Variants in LDLRAD4 observed in about 807,000 individuals in gnomAD.
LDLRAD4 encodes low density lipoprotein receptor class A domain containing 4.
A neutral mutation model predicts 17.0 loss-of-function variants in LDLRAD4; 5 were observed. The ratio of observed to expected loss-of-function variants is 0.29; its 90% CI spans 0.15 to 0.62. The LOEUF is 0.62. Among genes scored for constraint, LDLRAD4 ranks in the 20% least tolerant of loss-of-function variants. LDLRAD4 has a pLI of 0.84. For missense variants in LDLRAD4, 340 were observed against 424.7 expected (o/e 0.80, Z 1.75); for synonymous variants, 168 against 171.8 (o/e 0.98, Z 0.17).
At chr18:13,571,680 A>G (rs1232999983) in intron 3 of LDLRAD4, among the ~76,000 whole-genome samples, 4 of 152,230 alleles carry the variant, frequency 2.6e-5, no homozygotes, top group Non-Finnish European at 5.9e-5. Context: ...TCTGTTGCCC[A>G]GGCTGGAGTG....
intron 1 of LDLRAD4, among the ~76,000 whole-genome samples, chr18:13,327,876 G>A (rs762169686): frequency 6.6e-6 from 1 of 152,084 alleles, no homozygotes; most frequent in South Asian, 2.1e-4. Flanking sequence ...AATCTGTTTT[G>A]TGGTGTTCTC....
At chr18:13,552,801 T>G (rs1173136136) in intron 3 of LDLRAD4, among the ~76,000 whole-genome samples, 1 of 152,224 alleles carries the variant, frequency 6.6e-6, no homozygotes, top group Non-Finnish European at 1.5e-5. Flanking sequence ...TGTGCACGGT[T>G]CTTTACCGAG....
intron 3 of LDLRAD4, among the ~76,000 whole-genome samples, chr18:13,493,992 A>C (rs1364995135): frequency 6.6e-6 from 1 of 152,350 alleles, no homozygotes; most frequent in Middle Eastern, 3.4e-3. Context: ...GCGGTGCCGC[A>C]ATCCTGCCTT....
intron 1 of LDLRAD4, among the ~76,000 whole-genome samples, chr18:13,225,986 T>C (rs2041763131): frequency 6.6e-6 from 1 of 152,072 alleles, no homozygotes; most frequent in Non-Finnish European, 1.5e-5. Flanking sequence ...ATTGAACGTC[T>C]TTAAACTTTT....
chr18:13,257,333 A>G (rs2043560941), intron 1 of LDLRAD4, among the ~76,000 whole-genome samples: 1 of 152,130 alleles, frequency 6.6e-6, no homozygotes, highest in South Asian at 2.1e-4. Context: ...TGAGTGTGAG[A>G]TTTCGCCATT....
At chr18:13,571,789 A>G (rs1027850901) in intron 3 of LDLRAD4, among the ~76,000 whole-genome samples, 1 of 152,128 alleles carries the variant, frequency 6.6e-6, no homozygotes, top group Non-Finnish European at 1.5e-5. Flanking sequence ...GGCGCCCGCC[A>G]CTATGCCTGG....
intron 3 of LDLRAD4, among the ~76,000 whole-genome samples, chr18:13,547,928 T>G (rs574063890): frequency 1.3e-5 from 2 of 152,308 alleles, no homozygotes; most frequent in Non-Finnish European, 1.5e-5. Flanking sequence ...AGTCCCACCA[T>G]TCAGTAGGTC....
chr18:13,468,502 G>A (rs143603490), intron 3 of LDLRAD4, among the ~76,000 whole-genome samples: 25,853 of 152,080 alleles, frequency 0.17, 2,676 homozygotes, highest in East Asian at 0.37. Flanking sequence ...ATTACTGGGT[G>A]TATACCCAAA....
At chr18:13,627,240 G>A (rs1249533650) in intron 4 of LDLRAD4, among the ~76,000 whole-genome samples, 3 of 152,280 alleles carry the variant, frequency 2.0e-5, no homozygotes, top group South Asian at 2.1e-4. Flanking sequence ...CAGCCTGGCC[G>A]ACAGAGGGAG....
chr18:13,450,324 C>G (rs2091729083), intron 3 of LDLRAD4, among the ~76,000 whole-genome samples: 1 of 64,182 alleles, frequency 1.6e-5, no homozygotes, highest in South Asian at 7.5e-4. Flanking sequence ...TTCTCTCCCC[C>G]CACCCCCCCC....
chr18:13,218,453 G>A (rs1321977738), upstream of LDLRAD4, among the ~76,000 whole-genome samples: 1 of 151,850 alleles, frequency 6.6e-6, no homozygotes. Context: ...CCGCCCGGAG[G>A]CCAGGATGGG....
rs529764024 is a variant in LDLRAD4, at chr18:13,313,027, C to T, written c.-383+34839C>T. 3.9e-5 allele frequency among the ~76,000 whole-genome samples: 6 copies of T among 152,184 alleles called. No individual in the cohort carries two copies. The East Asian group carries it at 9.6e-4, about 24-fold the overall frequency. On this transcript the variant is annotated intron_variant, in intron 1 of 5. Coordinates refer to ENST00000359446, the Ensembl canonical transcript of LDLRAD4. ...TTACCTTTTGCCTGGTCACTGACTT[C>T]GTTAAGGGGAGGATGGGCTGCTGTG...
At chr18:13,525,873 C>T (rs79891585) in intron 3 of LDLRAD4, among the ~76,000 whole-genome samples, 12 of 152,336 alleles carry the variant, frequency 7.9e-5, no homozygotes, top group East Asian at 5.8e-4. Context: ...TGTACCCCAG[C>T]GGGGCCTCAC....
intron 1 of LDLRAD4, among the ~76,000 whole-genome samples, chr18:13,238,321 T>C (rs1293348199): frequency 2.0e-5 from 3 of 152,240 alleles, no homozygotes; most frequent in Admixed American, 6.5e-5. Flanking sequence ...GCTGTTGGGC[T>C]GGTCCCCTTC....
intron 1 of LDLRAD4, among the ~76,000 whole-genome samples, chr18:13,289,703 A>C: frequency 6.6e-6 from 1 of 152,214 alleles, no homozygotes. Flanking sequence ...AGCTGTGTCC[A>C]GTCCTGAGCC....
intron 3 of LDLRAD4, among the ~76,000 whole-genome samples, chr18:13,582,704 T>C (rs929297426): frequency 4.6e-5 from 7 of 152,180 alleles, no homozygotes; most frequent in Non-Finnish European, 8.8e-5. Flanking sequence ...TCTGCACTTA[T>C]TTATTTATTT....
intron 1 of LDLRAD4, among the ~76,000 whole-genome samples, chr18:13,350,843 A>G (rs2082996065): frequency 6.6e-6 from 1 of 152,116 alleles, no homozygotes; most frequent in South Asian, 2.1e-4. Flanking sequence ...CAGTTTTCTG[A>G]ATATAGCTAG....
intron 3 of LDLRAD4, among the ~76,000 whole-genome samples, chr18:13,516,463 C>T (rs1219181735): frequency 6.6e-6 from 1 of 152,164 alleles, no homozygotes; most frequent in Non-Finnish European, 1.5e-5. Context: ...GCCTCTGAGG[C>T]CGTCGGGGAG....
chr18:13,567,415 T>A (rs1940912), intron 3 of LDLRAD4, among the ~76,000 whole-genome samples: 8 of 152,106 alleles, frequency 5.3e-5, no homozygotes, highest in Non-Finnish European at 4.4e-5. Context: ...TGAGGCCTGC[T>A]GCCGTAGGGC....
Sources: allele counts gnomAD v4.1 joint callset (sites outside exome capture counted in the v4.1 genomes callset), GRCh38; gene constraint gnomAD v4.1.1; transcripts MANE v1.5; gene names NCBI Gene and HGNC (gene_info 2026-07-23, HGNC 2026-07-21).